Variants in NCR1 observed in about 807,000 individuals in gnomAD.
NCR1 encodes natural cytotoxicity triggering receptor 1.
A neutral mutation model predicts 32.5 loss-of-function variants in NCR1; 30 were observed. The ratio of observed to expected loss-of-function variants is 0.92; its 90% confidence interval spans 0.69 to 1.25. The LOEUF is 1.25. Among genes scored for constraint, NCR1 ranks in the 50% most tolerant of loss-of-function variants. The pLI is 0.00. For synonymous variants in NCR1, 169 were observed against 143.4 expected (o/e 1.18, Z -1.28); for missense variants, 369 against 380.7 (o/e 0.97, Z 0.26).
chr19:54,920,066 A>G (rs1396240008), downstream of NCR1, among the ~76,000 whole-genome samples: 1 of 152,188 alleles, frequency 6.6e-6, no homozygotes, highest in Non-Finnish European at 1.5e-5. Flanking sequence ...TCTAAGATCT[A>G]TATCTGGTAT....
the NCR1 span, among the ~76,000 whole-genome samples, chr19:54,922,778 CA>C: frequency 1.8e-4 from 7 of 39,436 alleles, no homozygotes; most frequent in African/African-American, 4.6e-4. Flanking sequence ...AACTCCGTCT[CA>C]AAAAAAAAAA....
the NCR1 span, among the ~76,000 whole-genome samples, chr19:54,937,613 A>T: frequency 6.7e-6 from 1 of 149,330 alleles, no homozygotes; most frequent in East Asian, 2.0e-4. Context: ...AAAATAAAAA[A>T]GGGGCCAGGT....
chr19:54,923,590 A>C, the NCR1 span: 2 of 889,234 alleles, frequency 2.2e-6, no homozygotes, highest in Non-Finnish European at 3.7e-6. Context: ...CTCGTGCAGA[A>C]TCTCCCAAAA....
At chr19:54,915,227 C>G (rs9789251), downstream of NCR1, among the ~76,000 whole-genome samples, 19,476 of 152,042 alleles carry the variant, frequency 0.13, 1,352 homozygotes, top group East Asian at 0.3. Context: ...AAATATATAT[C>G]AAATGAGTGA....
chr19:54,934,448 C>T, the NCR1 span: 4 of 1,607,496 alleles, frequency 2.5e-6, no homozygotes, highest in Non-Finnish European at 2.6e-6. This position sits in a 1 kb window ranked among gnomAD's most constrained non-coding sequence, Gnocchi z 6.7. Flanking sequence ...TCTATAGCCC[C>T]AGAACTAAAC....
downstream of NCR1, among the ~76,000 whole-genome samples, chr19:54,920,858 C>T (rs1239211125): frequency 6.6e-6 from 1 of 152,056 alleles, no homozygotes; most frequent in Non-Finnish European, 1.5e-5. Flanking sequence ...GTCATGCCAG[C>T]ACTTTGGGAG....
chr19:54,917,471 C>T (rs973292893), downstream of NCR1, among the ~76,000 whole-genome samples: 11 of 152,050 alleles, frequency 7.2e-5, no homozygotes, highest in African/African-American at 7.2e-5. Flanking sequence ...AGGCATGTGC[C>T]GCCACGCCTG....
the NCR1 span, among the ~76,000 whole-genome samples, chr19:54,933,210 A>AT: frequency 3.9e-5 from 6 of 152,054 alleles, no homozygotes; most frequent in Admixed American, 2.0e-4. Flanking sequence ...CAGTGGTGCG[A>AT]TCTCGGCTCA....
At chr19:54,931,715 C>G in the NCR1 span, among the ~76,000 whole-genome samples, 1 of 150,098 alleles carries the variant, frequency 6.7e-6, no homozygotes, top group Admixed American at 6.7e-5. Flanking sequence ...CCAGGTGTGG[C>G]GGCCCATGCC....
chr19:54,922,850 C>A, the NCR1 span, among the ~76,000 whole-genome samples: 3,079 of 147,884 alleles, frequency 0.021, 97 homozygotes, highest in African/African-American at 0.072. Flanking sequence ...AAACGCCCAG[C>A]GACAGAGACA....
the NCR1 span, among the ~76,000 whole-genome samples, chr19:54,922,442 T>TA: frequency 6.6e-6 from 1 of 151,414 alleles, no homozygotes; most frequent in East Asian, 2.0e-4. Flanking sequence ...GACAGAGACA[T>TA]ACACAGAGAC....
In NCR1 at chr19:54,906,233, C is replaced by T. The variant is rs773149739; in HGVS notation, c.34+12C>T. The T allele has an allele frequency of 6.2e-6, 10 of 1,614,174 alleles. No individual in the cohort carries two copies. The highest frequency in any genetic ancestry group is 2.7e-5 in the African/African-American group (2 of 75,050). ...CCTGCTCTGCGTCGGTGAGTTCTGG[C>T]GTGGAAGGGGAATGGGATCACGGTG... On this transcript the variant is annotated intron_variant, in intron 1 of 6. Coordinates refer to ENST00000291890, the MANE Select transcript of NCR1 (RefSeq NM_004829.7).
chr19:54,918,717 C>T (rs892947199), downstream of NCR1, among the ~76,000 whole-genome samples: 16 of 151,656 alleles, frequency 1.1e-4, no homozygotes, highest in African/African-American at 7.3e-5. Flanking sequence ...CGGTGGCTCA[C>T]GCCTGTAATC....
Position 54,909,328 on chromosome 19 carries a change from G to T in NCR1, c.439G>T (p.Asp147Tyr), listed in dbSNP as rs1374888947. The T allele has an allele frequency of 1.9e-6, 3 of 1,614,108 alleles. No homozygotes were observed. In the South Asian group the frequency reaches 3.3e-5, roughly 18 times the overall value. The change falls in exon 4 of 7, where the codon GAC (aspartate) becomes TAC (tyrosine). Residue 147 changes from aspartate to tyrosine, a missense_variant. Physicochemically the swap from Asp to Tyr is radical, Grantham distance 160 (BLOSUM62 -3). Coordinates refer to ENST00000291890, the MANE Select transcript of NCR1 (RefSeq NM_004829.7). ...GEKVTFYCRL[D>Y]TATSMFLLLK... is the part of the protein sequence containing the mutation. ...GAAGGTGACCTTCTACTGCCGTCTA[G>T]ACACTGCAACAAGCATGTTCTTACT...
rs748726580 is a variant in NCR1, at chr19:54,909,428, T to A, written c.539T>A (p.Val180Glu). The change falls in exon 4 of 7, where the codon GTG (valine) becomes GAG (glutamate). Residue 180 changes from valine (V) to glutamate (E), a missense_variant. Coordinates refer to ENST00000291890, the MANE Select transcript of NCR1 (RefSeq NM_004829.7). ...CAGGCGGAGTTCCCCCTGGGCCCTG[T>A]GACCACAGCCCACAGAGGGACATAC... ...KVQAEFPLGP[V>E]TTAHRGTYRC... The A allele has an allele frequency of 1.2e-6, 2 of 1,613,662 alleles. No homozygotes were observed. The highest frequency in any genetic ancestry group is 8.5e-7 in the Non-Finnish European group (1 of 1,180,026).
At chr19:54,916,351 T>C, downstream of NCR1, among the ~76,000 whole-genome samples, 1 of 139,222 alleles carries the variant, frequency 7.2e-6, no homozygotes, top group East Asian at 2.0e-4. Context: ...GACGAAGTCC[T>C]GCTCTGTCAC....
chr19:54,910,101 T>A, intron 5 of NCR1, 36 bp downstream of exon 5: 1 of 1,599,050 alleles, frequency 6.3e-7, no homozygotes, highest in Non-Finnish European at 8.6e-7. Flanking sequence ...AGACGAGCGA[T>A]CAGAGCCTCC....
At position 54,909,227 on chromosome 19, in the gene NCR1, C is replaced by A. The variant is rs1284563720; in HGVS notation, c.356-18C>A. On this transcript the variant is annotated intron_variant, in intron 3 of 6. Transcript: ENST00000291890. ...CATCACTGAGTTTCTGGTGTGGTGG[C>A]CCCACCTTCTCTCATAGAAATGTAT... is the stretch of plus-strand genomic sequence containing the variant. 1.3e-6 allele frequency: 2 copies of A among 1,598,426 alleles called. No homozygotes were observed. The highest frequency in any genetic ancestry group is 1.1e-5 in the South Asian group (1 of 90,586).
chr19:54,938,074 G>A, the NCR1 span: 2 of 1,613,956 alleles, frequency 1.2e-6, no homozygotes, highest in African/African-American at 1.3e-5. Context: ...GGTGCTACGG[G>A]TTACGTGGTC....
Sources: allele counts gnomAD v4.1 joint callset (sites outside exome capture counted in the v4.1 genomes callset), GRCh38; gene constraint gnomAD v4.1.1; non-coding constraint Gnocchi (gnomAD v3.1); transcripts MANE v1.5; gene names NCBI Gene and HGNC (gene_info 2026-07-23, HGNC 2026-07-21).